Variants in TKT observed in about 807,000 individuals in gnomAD.
TKT encodes the protein transketolase.
A neutral mutation model predicts 63.9 loss-of-function variants in TKT; 47 were observed. The ratio of observed to expected loss-of-function variants is 0.74; its 90% CI spans 0.58 to 0.94. TKT has a LOEUF of 0.94. TKT is among the 40% of genes least tolerant of loss of function. TKT has a pLI of 0.00. For synonymous variants in TKT, 338 were observed against 334.1 expected, an observed-to-expected ratio of 1.01 and a Z score of -0.13; for missense variants, 721 against 846.2, an observed-to-expected ratio of 0.85 and a Z score of 1.84.
chr3:53,229,079 G>A lies in TKT; in HGVS notation c.1323C>T (p.Pro441=). The A allele has an allele frequency of 6.2e-7, 1 of 1,614,124 alleles. No homozygotes were observed. Among genetic ancestry groups the A allele is most frequent in the South Asian group, 1.1e-5 (1 of 91,084 alleles). Residue 441 remains proline (P), a synonymous_variant, in exon 10 of 14, where the codon CCC becomes CCT. Coordinates refer to ENST00000462138, the MANE Select transcript of TKT (RefSeq NM_001064.4). The part of the protein sequence containing the change: ...LEDLAMFRSV[P]TSTVFYPSDG... ...CACTTGGGTAAAAGACAGTTGATGT[G>A]GGGACTGACCGAAACATAGCCAGAT... is the stretch of plus-strand genomic sequence containing the variant.
At chr3:53,251,989 A>T (rs1255491443) in intron 1 of TKT, among the ~76,000 whole-genome samples, 1 of 152,128 alleles carries the variant, frequency 6.6e-6, no homozygotes, top group Non-Finnish European at 1.5e-5. Context: ...AAAAATACAA[A>T]ATTAGCCGGG....
chr3:53,233,084 C>A (rs2242300), intron 6 of TKT, 72 bp downstream of exon 6: 248,676 of 1,297,076 alleles, frequency 0.19, 25,189 homozygotes, highest in South Asian at 0.29. Context: ...CCTGGATGTG[C>A]GGGTCAGAGC....
chr3:53,229,197 G>T (rs1182697874), intron 9 of TKT, 60 bp from the exon 10 acceptor site: 2 of 1,613,228 alleles, frequency 1.2e-6, no homozygotes, highest in Admixed American at 3.3e-5. Context: ...TCCATGGGCT[G>T]GAATCCTGGC....
intron 4 of TKT, among the ~76,000 whole-genome samples, chr3:53,236,178 T>C (rs1253671848): frequency 6.6e-6 from 1 of 152,234 alleles, no homozygotes; most frequent in African/African-American, 2.4e-5. Context: ...GAAATGAGGC[T>C]GGTGCCTGGT....
intron 10 of TKT, chr3:53,228,677 C>T (rs1246881313): frequency 1.4e-5 from 7 of 503,126 alleles, no homozygotes; most frequent in East Asian, 3.8e-5. Flanking sequence ...CATGCAGCTC[C>T]GGGCCTGGAC....
At chr3:53,229,915 G>C (rs1345060304) in intron 8 of TKT, among the ~76,000 whole-genome samples, 1 of 152,176 alleles carries the variant, frequency 6.6e-6, no homozygotes, top group Middle Eastern at 3.2e-3. Context: ...GCCAGGCTGG[G>C]CTCCTGGACC....
Position 53,231,546 on chromosome 3 carries a change from T to C in TKT, c.753A>G (p.Val251=). ...TCCCATGCCAAGACTCCTTATCTTC[T>C]ACCCCTGCAGACCCAACACGGGAGG... The part of the protein sequence containing the change: ...KTFKGRGITG[V]EDKESWHGKP... Residue 251 remains valine (V), a synonymous_variant, in exon 7 of 14, where the codon GTA becomes GTG. Coordinates refer to ENST00000462138, the MANE Select transcript of TKT (RefSeq NM_001064.4). The C allele has an allele frequency of 6.2e-7, 1 of 1,613,494 alleles. No individual in the cohort carries two copies. The highest frequency in any genetic ancestry group is 8.5e-7 in the Non-Finnish European group (1 of 1,179,732).
chr3:53,230,056 C>T (rs782705885), intron 8 of TKT, among the ~76,000 whole-genome samples: 1 of 152,368 alleles, frequency 6.6e-6, no homozygotes, highest in Non-Finnish European at 1.5e-5. Flanking sequence ...CTCTGCATCC[C>T]TCAGGGTGGC....
At position 53,246,581 on chromosome 3, in the gene TKT, G is replaced by T. The variant is rs563146847; in HGVS notation, c.108-4339C>A. ...ACTACAAGGAAAACAGGCCAGGTGC[G>T]GTGGCTCAAGCCTGTAATCCCAGCA... On this transcript the variant is annotated intron_variant, in intron 1 of 13. Coordinates refer to ENST00000462138, the MANE Select transcript of TKT (RefSeq NM_001064.4). 2.0e-5 allele frequency among the ~76,000 whole-genome samples: 3 copies of T among 151,938 alleles called. No homozygotes were observed. In the East Asian group the frequency reaches 5.8e-4, roughly 29 times the overall value.
chr3:53,231,523 C>T lies in TKT; in HGVS notation c.776G>A (p.Gly259Glu). 6.2e-7 allele frequency: 1 copy of T among 1,614,042 alleles called. No homozygotes were observed. Among genetic ancestry groups the T allele is most frequent in the Non-Finnish European group, 8.5e-7 (1 of 1,180,000 alleles). ...AGCCATGTTTTTGGGGAGGGGCTTC[C>T]CATGCCAAGACTCCTTATCTTCTAC... ...TGVEDKESWHGKPLPKNMAEQ... is the reference protein window; with the variant it reads ...TGVEDKESWHEKPLPKNMAEQ... The change falls in exon 7 of 14, where the codon GGG (glycine) becomes GAG (glutamate). Residue 259 changes from glycine to glutamate, a missense_variant. Physicochemically the swap from Gly to Glu is moderately conservative, Grantham distance 98. Coordinates refer to ENST00000462138, the MANE Select transcript of TKT (RefSeq NM_001064.4).
At chr3:53,230,229 T>C (rs1704684982) in intron 8 of TKT, among the ~76,000 whole-genome samples, 1 of 152,230 alleles carries the variant, frequency 6.6e-6, no homozygotes, top group Non-Finnish European at 1.5e-5. Flanking sequence ...TGCAGTCCCA[T>C]TCGGCTCCCC....
intron 1 of TKT, among the ~76,000 whole-genome samples, chr3:53,243,957 C>A (rs150746006): frequency 6.6e-6 from 1 of 152,208 alleles, no homozygotes; most frequent in African/African-American, 2.4e-5. Flanking sequence ...CACCTCGACA[C>A]CCCGGGGTGA....
intron 1 of TKT, among the ~76,000 whole-genome samples, chr3:53,246,074 C>A (rs1431444174): frequency 1.3e-5 from 2 of 152,024 alleles, no homozygotes; most frequent in Non-Finnish European, 2.9e-5. Context: ...TCGAGACCAA[C>A]CTGGCCAACA....
chr3:53,255,820 G>A lies in TKT; in HGVS notation c.107+16C>T, dbSNP rs1705968378. On this transcript the variant is annotated intron_variant, in intron 1 of 13. Coordinates refer to ENST00000462138, the MANE Select transcript of TKT (RefSeq NM_001064.4). ...CCCCGCCCGAGCCGCGTCCCCGGCC[G>A]GCGCCGCGCACTCACCCAGAGCCCG... is the stretch of plus-strand genomic sequence containing the variant. 2.0e-6 allele frequency: 3 copies of A among 1,474,308 alleles called. No homozygotes were observed. Among genetic ancestry groups the A allele is most frequent in the African/African-American group, 1.5e-5 (1 of 68,600 alleles). The allele number at this position is 1,474,308 out of a possible 1,614,324, so 91.3% of individuals were successfully genotyped here.
intron 4 of TKT, among the ~76,000 whole-genome samples, chr3:53,237,604 G>A (rs1705092615): frequency 6.6e-6 from 1 of 151,790 alleles, no homozygotes; most frequent in African/African-American, 2.4e-5. Flanking sequence ...TTTAAATTGG[G>A]GGTGGGAGGC....
At chr3:53,239,654 T>C (rs1553679373) in intron 4 of TKT, among the ~76,000 whole-genome samples, 1 of 151,800 alleles carries the variant, frequency 6.6e-6, no homozygotes, top group African/African-American at 2.4e-5. Flanking sequence ...TGGGGGGCCG[T>C]TCCTACAAAT....
intron 10 of TKT, chr3:53,228,590 T>C (rs1051942475): frequency 1.8e-6 from 1 of 546,240 alleles, no homozygotes; most frequent in Admixed American, 3.1e-5. Flanking sequence ...TTCCACCAGG[T>C]AGACTGGCTG....
chr3:53,247,075 T>A (rs533928804), intron 1 of TKT, among the ~76,000 whole-genome samples: 135 of 148,020 alleles, frequency 9.1e-4, no homozygotes, highest in South Asian at 7.8e-3. Flanking sequence ...TTTTTTTTTT[T>A]AAATATTCAG....
At chr3:53,236,799 C>T (rs1705052490) in intron 4 of TKT, among the ~76,000 whole-genome samples, 1 of 152,204 alleles carries the variant, frequency 6.6e-6, no homozygotes, top group South Asian at 2.1e-4. Flanking sequence ...AGGCTCAGGT[C>T]AGAGGGCGTG....
Sources: gnomAD v4.1 joint callset for allele counts (sites outside exome capture counted in the v4.1 genomes callset) on GRCh38, gnomAD v4.1.1 for gene constraint, MANE v1.5 for transcripts, NCBI Gene and HGNC (gene_info 2026-07-23, HGNC 2026-07-21) for gene names.